Variants in TEAD1 observed in about 807,000 individuals in gnomAD.
TEAD1 encodes the protein TEA domain transcription factor 1, also known as transcriptional enhancer factor TEF-1.
A neutral mutation model predicts 54.9 loss-of-function variants in TEAD1; 9 were observed. That is an observed-to-expected ratio of 0.16 (90% CI 0.10 to 0.29). The LOEUF is 0.29. Among genes scored for constraint, TEAD1 ranks in the 10% least tolerant of loss-of-function variants. The probability of loss-of-function intolerance (pLI) is 1.00; values close to 1 mark genes in which losing one functional copy is unlikely to be tolerated. For missense variants in TEAD1, 387 were observed against 535.9 expected, an observed-to-expected ratio of 0.72 and a Z score of 2.74; for synonymous variants, 200 against 187.8, an observed-to-expected ratio of 1.07 and a Z score of -0.53.
intron 2 of TEAD1, among the ~76,000 whole-genome samples, chr11:12,724,445 C>A (rs1944274678): frequency 6.6e-6 from 1 of 152,208 alleles, no homozygotes; most frequent in South Asian, 2.1e-4. Flanking sequence ...GAGGCGTATG[C>A]CAGCTAATGT....
intron 3 of TEAD1, among the ~76,000 whole-genome samples, chr11:12,810,974 C>A (rs1485283594): frequency 6.6e-6 from 1 of 152,202 alleles, no homozygotes; most frequent in Non-Finnish European, 1.5e-5. Flanking sequence ...AGAGGACATT[C>A]AGCATCCATT....
intron 5 of TEAD1, 194 bp downstream of exon 5, chr11:12,865,094 C>CGT: frequency 1.5e-6 from 1 of 680,172 alleles, no homozygotes; most frequent in Admixed American, 2.1e-5. Context: ...TGTGTGAGCG[C>CGT]GTGTGTGTGT....
intron 3 of TEAD1, among the ~76,000 whole-genome samples, chr11:12,787,533 T>G (rs1337164140): frequency 6.6e-6 from 1 of 152,166 alleles, no homozygotes; most frequent in Non-Finnish European, 1.5e-5. Flanking sequence ...AAGGAAGTTG[T>G]TTTTCGTTGC....
At chr11:12,722,055 G>T (rs1463557539) in intron 2 of TEAD1, among the ~76,000 whole-genome samples, 4 of 152,220 alleles carry the variant, frequency 2.6e-5, no homozygotes, top group African/African-American at 9.7e-5. Context: ...TGCAGTGCAG[G>T]TGAATTGGTT....
intron 2 of TEAD1, among the ~76,000 whole-genome samples, chr11:12,730,694 C>CTTTTTTTTTTT (rs71313457): frequency 1.5e-5 from 1 of 65,640 alleles, no homozygotes; most frequent in Admixed American, 2.1e-4. Flanking sequence ...CTACATAGCT[C>CTTTTTTTTTTT]TTTTTTTTTT....
chr11:12,836,914 G>A (rs1946903611), intron 3 of TEAD1, among the ~76,000 whole-genome samples: 1 of 152,168 alleles, frequency 6.6e-6, no homozygotes. Context: ...GGAAAGTGTT[G>A]TATTATGAAA....
chr11:12,755,059 C>T (rs1008528797), intron 2 of TEAD1, among the ~76,000 whole-genome samples: 2 of 152,176 alleles, frequency 1.3e-5, no homozygotes, highest in African/African-American at 4.8e-5. Flanking sequence ...TGGAGTGAGG[C>T]CAGTGCCAAC....
At chr11:12,883,148 G>C (rs1589955877) in intron 9 of TEAD1, 23 bp downstream of exon 9, 1 of 1,614,084 alleles carries the variant, frequency 6.2e-7, no homozygotes, top group East Asian at 2.2e-5. Context: ...AGAGAGGTGT[G>C]TCTTGAATCC....
At chr11:12,877,309 C>CT (rs1215460101) in intron 5 of TEAD1, among the ~76,000 whole-genome samples, 1 of 152,182 alleles carries the variant, frequency 6.6e-6, no homozygotes, top group Non-Finnish European at 1.5e-5. Context: ...AAAGCTGTTA[C>CT]TTGAGGCTCC....
At chr11:12,698,567 T>G (rs185320162) in intron 2 of TEAD1, among the ~76,000 whole-genome samples, 454 of 152,170 alleles carry the variant, frequency 3.0e-3, no homozygotes, top group African/African-American at 0.01. Flanking sequence ...TTCTAAATCT[T>G]AATCACTCAT....
In TEAD1 at chr11:12,932,667, C is replaced by T. The variant is rs1949030833; in HGVS notation, c.1167+2341C>T. Among the ~76,000 whole-genome samples the T allele has an allele frequency of 2.0e-5, 3 of 152,052 alleles. No individual in the cohort carries two copies. The South Asian group carries it at 6.2e-4, about 32-fold the overall frequency. ...TAATGGAGGTGAAAAATTCCTGTCACCTAGTGATGATGCAACTATTATATA... is the reference window on the plus strand; with the variant it reads ...TAATGGAGGTGAAAAATTCCTGTCATCTAGTGATGATGCAACTATTATATA... On this transcript the variant is annotated intron_variant, in intron 12 of 12. Transcript: ENST00000527636.
chr11:12,908,883 G>GTTTTTGTTTTTTTTTTTTTTTTTTT (rs769023879), intron 10 of TEAD1, among the ~76,000 whole-genome samples: 158 of 99,610 alleles, frequency 1.6e-3, no homozygotes, highest in South Asian at 2.8e-3. Context: ...CAAATTATCT[G>GTTTTTGTTTTTTTTTTTTTTTTTTT]TTTTTTTTTT....
At chr11:12,810,419 A>G (rs1946277034) in intron 3 of TEAD1, among the ~76,000 whole-genome samples, 1 of 152,142 alleles carries the variant, frequency 6.6e-6, no homozygotes, top group African/African-American at 2.4e-5. Flanking sequence ...AAATGGCCAG[A>G]TTCTACTCAG....
chr11:12,788,513 A>G lies in TEAD1; in HGVS notation c.202+24079A>G, dbSNP rs548316060. Among the ~76,000 whole-genome samples the G allele has an allele frequency of 2.6e-5, 4 of 152,358 alleles. No homozygotes were observed. In the East Asian group the frequency reaches 7.7e-4, roughly 29 times the overall value. On this transcript the variant is annotated intron_variant, in intron 3 of 12. Transcript: ENST00000527636. The stretch of plus-strand genomic sequence containing the variant: ...TAAATTAGCTTTGGTAATATTATTA[A>G]CAGATTTGTAAATTTTTGGTATATC...
At chr11:12,749,301 C>T (rs1944815478) in intron 2 of TEAD1, among the ~76,000 whole-genome samples, 1 of 152,148 alleles carries the variant, frequency 6.6e-6, no homozygotes, top group African/African-American at 2.4e-5. Flanking sequence ...AAATGGATTA[C>T]ATTTTAATTA....
At chr11:12,679,624 T>A (rs7929476) in intron 2 of TEAD1, among the ~76,000 whole-genome samples, 33 of 152,110 alleles carry the variant, frequency 2.2e-4, no homozygotes, top group African/African-American at 4.3e-4. Flanking sequence ...TGAACTTTTT[T>A]AAAAAAATGC....
chr11:12,759,115 C>G (rs1446873871), intron 2 of TEAD1, among the ~76,000 whole-genome samples: 2 of 152,032 alleles, frequency 1.3e-5, no homozygotes, highest in Non-Finnish European at 2.9e-5. Flanking sequence ...AAAATCAACC[C>G]TTTTACTTAA....
chr11:12,877,492 A>G (rs2134090904), intron 5 of TEAD1, among the ~76,000 whole-genome samples: 1 of 152,124 alleles, frequency 6.6e-6, no homozygotes, highest in South Asian at 2.1e-4. Context: ...ATCTCTACTA[A>G]AAAGACAAAT....
intron 2 of TEAD1, among the ~76,000 whole-genome samples, chr11:12,713,103 T>G (rs1430203651): frequency 1.3e-5 from 2 of 152,196 alleles, no homozygotes; most frequent in African/African-American, 4.8e-5. Context: ...TACTGCAGCC[T>G]CGACCTTAGG....
Sources: allele counts gnomAD v4.1 joint callset (sites outside exome capture counted in the v4.1 genomes callset), GRCh38; gene constraint gnomAD v4.1.1; transcripts MANE v1.5; gene names NCBI Gene and HGNC (gene_info 2026-07-23, HGNC 2026-07-21).